Variants in PPP2R1A observed in about 807,000 individuals in gnomAD.
PPP2R1A encodes the protein serine/threonine-protein phosphatase 2A 65 kDa regulatory subunit A alpha isoform.
In PPP2R1A, 15 loss-of-function variants were observed where a neutral mutation model predicts 67.1. The observed-to-expected ratio is 0.22, with a 90% CI of 0.15 to 0.34. The LOEUF (loss-of-function observed/expected upper bound fraction) is 0.34. Among genes scored for constraint, PPP2R1A ranks in the 10% least tolerant of loss-of-function variants. The pLI is 1.00. For missense variants in PPP2R1A, 369 were observed against 775.0 expected, an observed-to-expected ratio of 0.48 and a Z score of 6.22; for synonymous variants, 337 against 325.0, an observed-to-expected ratio of 1.04 and a Z score of -0.40.
chr19:52,199,035 C>T (rs1325864527), intron 1 of PPP2R1A, among the ~76,000 whole-genome samples: 1 of 152,184 alleles, frequency 6.6e-6, no homozygotes, highest in Non-Finnish European at 1.5e-5. Context: ...CCTAGTATGG[C>T]CCTAGCCCAT....
chr19:52,207,563 G>A (rs1015015304), intron 3 of PPP2R1A, among the ~76,000 whole-genome samples: 1 of 152,178 alleles, frequency 6.6e-6, no homozygotes, highest in African/African-American at 2.4e-5. Context: ...TGTGCCTGAC[G>A]TTCATGTCAG....
intron 1 of PPP2R1A, among the ~76,000 whole-genome samples, chr19:52,193,633 C>G (rs920114458): frequency 1.3e-5 from 2 of 151,894 alleles, no homozygotes; most frequent in African/African-American, 2.4e-5. Flanking sequence ...TCGTCCAGGC[C>G]GTCTCTGCTC....
intron 3 of PPP2R1A, among the ~76,000 whole-genome samples, chr19:52,207,447 A>G (rs1450711151): frequency 6.6e-6 from 1 of 152,200 alleles, no homozygotes; most frequent in Non-Finnish European, 1.5e-5. Flanking sequence ...GCTGGGACCC[A>G]GGGATCCTTC....
chr19:52,211,220 G>A lies in PPP2R1A; in HGVS notation c.271-40G>A. On this transcript the variant is annotated intron_variant, in intron 3 of 14. Coordinates refer to ENST00000322088, the MANE Select transcript of PPP2R1A (RefSeq NM_014225.6). The surrounding 1 kb of genome is among the most constrained non-coding windows in gnomAD (Gnocchi z 5.3). ...ATGGGGCTCCAGGGCTGCGGATGGT[G>A]GAGAGGGAGCTGTCCAGTGACTTTG... The A allele has an allele frequency of 6.3e-7, 1 of 1,588,136 alleles. No individual in the cohort carries two copies. The highest frequency in any genetic ancestry group is 8.6e-7 in the Non-Finnish European group (1 of 1,164,280).
chr19:52,220,155 A>G, intron 10 of PPP2R1A, 34 bp from the exon 11 acceptor site: 1 of 1,606,750 alleles, frequency 6.2e-7, no homozygotes, highest in African/African-American at 1.3e-5. Context: ...CTCTCCTGGA[A>G]CGCTTACCTT....
intron 6 of PPP2R1A, among the ~76,000 whole-genome samples, chr19:52,214,538 T>A (rs1978445995): frequency 6.6e-6 from 1 of 152,162 alleles, no homozygotes; most frequent in South Asian, 2.1e-4. Flanking sequence ...CAGTAAATAT[T>A]TGCAAGATGA....
In PPP2R1A at chr19:52,200,179, G is replaced by C. The variant is rs1317786228; in HGVS notation, c.79-1765G>C. 2.6e-5 allele frequency: 4 copies of C among 152,248 alleles called. No individual in the cohort carries two copies. The East Asian group carries it at 7.7e-4, about 29-fold the overall frequency. 9.4% of individuals were successfully genotyped at this position (152,248 alleles called of 1,614,324 possible). A position where few individuals can be genotyped will look rare whatever the true frequency, so the allele number is the denominator to read the frequency against. ...TACCTGTTCTGCCTCTATCCAGGAA[G>C]AAAGGTCCCCCGTGGGACCATTAGT... On this transcript the variant is annotated intron_variant, in intron 1 of 14. Coordinates refer to ENST00000322088, the MANE Select transcript of PPP2R1A (RefSeq NM_014225.6).
intron 1 of PPP2R1A, 87 bp from the exon 2 acceptor site, chr19:52,201,857 A>G: frequency 7.9e-7 from 1 of 1,266,864 alleles, no homozygotes; most frequent in Non-Finnish European, 1.1e-6. Context: ...CAAGGCTTCC[A>G]GGGGCTGACT....
At position 52,209,415 on chromosome 19, in the gene PPP2R1A, A is replaced by T. The variant is rs151076768; in HGVS notation, c.271-1845A>T. Among the ~76,000 whole-genome samples, 394 of 152,356 alleles carry T rather than the reference A, an allele frequency of 2.6e-3. 3 individuals carry two copies. Among genetic ancestry groups the T allele is most frequent in the Admixed American group, 7.1e-3 (108 of 15,304 alleles). On this transcript the variant is annotated intron_variant, in intron 3 of 14. Coordinates refer to ENST00000322088, the MANE Select transcript of PPP2R1A (RefSeq NM_014225.6). The stretch of plus-strand genomic sequence containing the variant: ...TAGCATGAGGACCTGTGACAGTGAC[A>T]TTATGCTGGCTTGCTTAGTATTACA...
At position 52,220,188 on chromosome 19, in the gene PPP2R1A, G is replaced by A; in HGVS notation, c.1303-1G>A. 6.2e-7 allele frequency: 1 copy of A among 1,613,940 alleles called. No homozygotes were observed. Among genetic ancestry groups the A allele is most frequent in the Non-Finnish European group, 8.5e-7 (1 of 1,179,894 alleles). ...CTTGGAACCCTTGGTTTCTCCTGTAGGGAGTGGAGTTCTTTGATGAGAAAC... is the reference window on the plus strand; with the variant it reads ...CTTGGAACCCTTGGTTTCTCCTGTAAGGAGTGGAGTTCTTTGATGAGAAAC... On this transcript the variant is annotated splice_acceptor_variant, in intron 10 of 14. Transcript: ENST00000322088. LOFTEE classifies it high-confidence loss of function.
At position 52,215,812 on chromosome 19, in the gene PPP2R1A, A is replaced by G. The variant is rs1978534090; in HGVS notation, c.841A>G (p.Thr281Ala). The change falls in exon 7 of 15, where the codon ACA becomes GCA. Residue 281 changes from threonine (T) to alanine (A), a missense_variant. By Grantham distance (58) the Thr-to-Ala change is moderately conservative. This residue lies in a region of PPP2R1A where 276 missense variants were observed against 508.4 expected (regional missense o/e 0.54). Transcript: ENST00000322088. ...AGCAGTGGGGCCTGAGATCACCAAG[A>G]CAGACCTGGTCCCTGCCTTCCAGAA... ...QKAVGPEITK[T>A]DLVPAFQNLM... 2.5e-6 allele frequency: 4 copies of G among 1,613,886 alleles called. No homozygotes were observed. Among genetic ancestry groups the G allele is most frequent in the South Asian group, 2.2e-5 (2 of 91,076 alleles).
chr19:52,190,308 C>A, intron 1 of PPP2R1A, 134 bp downstream of exon 1: 1 of 1,081,878 alleles, frequency 9.2e-7, no homozygotes, highest in Non-Finnish European at 1.3e-6. Flanking sequence ...CGTCTCTTAT[C>A]TCCCCGGTTG....
chr19:52,225,737 A>T lies in PPP2R1A; in HGVS notation c.1682A>T (p.Lys561Met), dbSNP rs760638097. ...LDNSTLQSEVKPILEKLTQDQ... is the reference protein window; with the variant it reads ...LDNSTLQSEVMPILEKLTQDQ... ...TCCAGCACCTTGCAGAGTGAAGTCA[A>T]GCCCATCCTAGAGAAGCTGACCCAG... is the stretch of plus-strand genomic sequence containing the variant. Residue 561 changes from lysine to methionine, a missense_variant, in exon 14 of 15, where the codon AAG becomes ATG. Physicochemically the swap from Lys to Met is moderately conservative, Grantham distance 95. Around this residue, in one of 2 missense-constraint regions of PPP2R1A, gnomAD observed 276 missense variants for 508.4 expected, o/e 0.54. Coordinates refer to ENST00000322088, the MANE Select transcript of PPP2R1A (RefSeq NM_014225.6). The T allele has an allele frequency of 1.2e-6, 2 of 1,614,116 alleles. No homozygotes were observed. The highest frequency in any genetic ancestry group is 3.3e-5 in the Admixed American group (2 of 60,014).
In PPP2R1A at chr19:52,219,669, A is replaced by G; in HGVS notation, c.1129-22A>G. On this transcript the variant is annotated intron_variant, in intron 9 of 14. Coordinates refer to ENST00000322088, the MANE Select transcript of PPP2R1A (RefSeq NM_014225.6). The surrounding 1 kb of genome is among the most constrained non-coding windows in gnomAD (Gnocchi z 4.0). The stretch of plus-strand genomic sequence containing the variant: ...TGCTGTGTGCATTGCATTCTCTCAG[A>G]ATCCTTCTTTCCTCTCCTCAGTGCC... 4 of 1,596,192 alleles carry G rather than the reference A, an allele frequency of 2.5e-6. No individual in the cohort carries two copies. The highest frequency in any genetic ancestry group is 3.4e-6 in the Non-Finnish European group (4 of 1,167,242).
At chr19:52,194,938 G>A (rs568508397) in intron 1 of PPP2R1A, among the ~76,000 whole-genome samples, 3 of 152,254 alleles carry the variant, frequency 2.0e-5, no homozygotes, top group African/African-American at 7.2e-5. Flanking sequence ...GAATACACTG[G>A]GCTGTTTGTT....
chr19:52,221,813 C>A (rs1025368589), intron 12 of PPP2R1A, among the ~76,000 whole-genome samples: 3 of 152,142 alleles, frequency 2.0e-5, no homozygotes, highest in Non-Finnish European at 4.4e-5. Context: ...ATCATTTCTT[C>A]CCACGCCACT....
chr19:52,221,843 A>G (rs1390001404), intron 12 of PPP2R1A, among the ~76,000 whole-genome samples: 1 of 152,164 alleles, frequency 6.6e-6, no homozygotes, highest in Non-Finnish European at 1.5e-5. Flanking sequence ...GCATTGCTTT[A>G]AGGAGGGATC....
chr19:52,209,182 A>G (rs1026831547), intron 3 of PPP2R1A, among the ~76,000 whole-genome samples: 1 of 152,160 alleles, frequency 6.6e-6, no homozygotes, highest in Non-Finnish European at 1.5e-5. Context: ...ATTACTGCTC[A>G]GCCTCTGTCC....
Position 52,225,767 on chromosome 19 carries a change from A to G in PPP2R1A, c.1712A>G (p.Gln571Arg). The G allele has an allele frequency of 6.2e-7, 1 of 1,614,210 alleles. No homozygotes were observed. The highest frequency in any genetic ancestry group is 8.5e-7 in the Non-Finnish European group (1 of 1,180,032). The change falls in exon 14 of 15, where the codon CAG (glutamine) becomes CGG (arginine). Residue 571 changes from glutamine (Q) to arginine (R), a missense_variant. Physicochemically the swap from Gln to Arg is conservative, Grantham distance 43. Transcript: ENST00000322088. ...ATCCTAGAGAAGCTGACCCAGGACC[A>G]GGATGTGGACGTCAAATACTTTGCC... is the stretch of plus-strand genomic sequence containing the variant. ...KPILEKLTQDQDVDVKYFAQE... is the reference protein window; with the variant it reads ...KPILEKLTQDRDVDVKYFAQE...
Sources: allele counts gnomAD v4.1 joint callset (sites outside exome capture counted in the v4.1 genomes callset), GRCh38; gene constraint gnomAD v4.1.1; regional missense constraint gnomAD v4.1.1; non-coding constraint Gnocchi (gnomAD v3.1); transcripts MANE v1.5; gene names NCBI Gene and HGNC (gene_info 2026-07-23, HGNC 2026-07-21).